The following WDR17 variants were observed in gnomAD, a reference collection of about 807,000 sequenced individuals.
WDR17 encodes WD repeat-containing protein 17.
A neutral mutation model predicts 161.7 loss-of-function variants in WDR17; 143 were observed. The ratio of observed to expected loss-of-function variants is 0.88; its 90% CI spans 0.77 to 1.02. The LOEUF (loss-of-function observed/expected upper bound fraction) is 1.02. WDR17 is among the 50% of genes least tolerant of loss of function. The pLI, the probability that WDR17 is intolerant of heterozygous loss-of-function variation, is 0.00. For missense variants in WDR17, 1,469 were observed against 1,520.9 expected, an observed-to-expected ratio of 0.97 and a Z score of 0.57; for synonymous variants, 517 against 515.6, an observed-to-expected ratio of 1.00 and a Z score of -0.04.
rs748412299 is a variant in WDR17 at position 176,115,965 on chromosome 4, TCGA to T, written c.295_297del (p.Asp99del). ...GCAGAACAAAAAGTCATTGCTAAACTCGACAGTACAAAAGGTATAATTACAACT... is the reference window on the plus strand; with the variant it reads ...GCAGAACAAAAAGTCATTGCTAAACTCAGTACAAAAGGTATAATTACAACT... On this transcript the variant is annotated inframe_deletion, in exon 3 of 29. Transcript: ENST00000508596. 6.2e-7 allele frequency: 1 copy of T among 1,605,672 alleles called. No homozygotes were observed. Among genetic ancestry groups the T allele is most frequent in the Non-Finnish European group, 8.5e-7 (1 of 1,176,298 alleles).
At position 176,111,643 on chromosome 4, in the gene WDR17, A is replaced by G. The variant is rs777779222; in HGVS notation, c.63A>G (p.Val21=). 5 of 1,611,306 alleles carry G rather than the reference A, an allele frequency of 3.1e-6. No homozygotes were observed. In the East Asian group the frequency reaches 6.7e-5, roughly 22 times the overall value. ...AAGCQPWNKD[V]CAASGDRFAY... is the part of the protein sequence containing the mutation. ...GATGTCAGCCATGGAACAAGGATGT[A>G]TGTGCTGCCAGTGGAGACAGGTTTG... The change falls in exon 2 of 29, where the codon GTA becomes GTG. Residue 21 remains valine, a synonymous_variant. Coordinates refer to ENST00000508596, the MANE Select transcript of WDR17 (RefSeq NM_181265.4).
At chr4:176,118,371 C>G (rs1740978890) in intron 3 of WDR17, among the ~76,000 whole-genome samples, 1 of 152,196 alleles carries the variant, frequency 6.6e-6, no homozygotes, top group South Asian at 2.1e-4. Flanking sequence ...AGTACCTCAT[C>G]TCTTTTTTGG....
At chr4:176,164,031 A>C (rs1749424570) in intron 22 of WDR17, among the ~76,000 whole-genome samples, 1 of 152,184 alleles carries the variant, frequency 6.6e-6, no homozygotes, top group African/African-American at 2.4e-5. Context: ...TGCAAGTCCC[A>C]TGCACACACA....
At chr4:176,147,199 G>A (rs1286358465) in intron 12 of WDR17, among the ~76,000 whole-genome samples, 2 of 152,024 alleles carry the variant, frequency 1.3e-5, no homozygotes, top group Admixed American at 6.6e-5. Context: ...AAAGGGATAT[G>A]CCTTAAGAAA....
At position 176,115,374 on chromosome 4, in the gene WDR17, A is replaced by G. The variant is rs994253684; in HGVS notation, c.124-422A>G. ...TGCTCTGGAAGCTTTGGACATCTTA[A>G]TAGTGTAATAATGAGCAGTTGGTGT... On this transcript the variant is annotated intron_variant, in intron 2 of 28. Coordinates refer to ENST00000508596, the MANE Select transcript of WDR17 (RefSeq NM_181265.4). Among the ~76,000 whole-genome samples the G allele has an allele frequency of 7.2e-5, 11 of 152,124 alleles. No homozygotes were observed. The East Asian group carries it at 2.1e-3, about 29-fold the overall frequency.
intron 23 of WDR17, among the ~76,000 whole-genome samples, chr4:176,169,880 T>TC (rs1487212143): frequency 6.6e-6 from 1 of 152,216 alleles, no homozygotes; most frequent in African/African-American, 2.4e-5. Context: ...CACCTTGTAG[T>TC]CTGTGAATTA....
At position 176,128,589 on chromosome 4, in the gene WDR17, G is replaced by C. The variant is rs949813252; in HGVS notation, c.791-149G>C. 4 of 729,762 alleles carry C rather than the reference G, an allele frequency of 5.5e-6. No homozygotes were observed. In the African/African-American group the frequency reaches 7.6e-5, roughly 14 times the overall value. 45.2% of individuals were successfully genotyped at this position (729,762 alleles called of 1,614,324 possible). On this transcript the variant is annotated intron_variant, in intron 5 of 28. Coordinates refer to ENST00000508596, the MANE Select transcript of WDR17 (RefSeq NM_181265.4). ...GGTTAAATAGTATTTCGGTTGTTAG[G>C]TTGTATTACTGTATGGTATTGTTGT...
intron 18 of WDR17, among the ~76,000 whole-genome samples, chr4:176,156,712 G>T (rs139102770): frequency 3.9e-5 from 6 of 151,962 alleles, no homozygotes; most frequent in African/African-American, 1.4e-4. Flanking sequence ...AAAATGGGTG[G>T]CCTAAAACAA....
In WDR17 at chr4:176,135,324, A is replaced by G. The variant is rs751226695; in HGVS notation, c.1267+48A>G. 1.3e-5 allele frequency: 20 copies of G among 1,591,598 alleles called. No homozygotes were observed. The East Asian group carries it at 1.6e-4, about 12-fold the overall frequency. ...TAGGAATACAATGAAATGGCTTTTT[A>G]AAGTTTTATTTTCATTTGAGTTACT... is the stretch of plus-strand genomic sequence containing the variant. On this transcript the variant is annotated intron_variant, in intron 8 of 28. Coordinates refer to ENST00000508596, the MANE Select transcript of WDR17 (RefSeq NM_181265.4).
At chr4:176,148,038 C>A in intron 12 of WDR17, 95 bp from the exon 13 acceptor site, 1 of 1,049,960 alleles carries the variant, frequency 9.5e-7, no homozygotes, top group Non-Finnish European at 1.3e-6. Flanking sequence ...TCTAGATAAG[C>A]TAACAAATAA....
At chr4:176,160,773 C>T in intron 19 of WDR17, 138 bp from the exon 20 acceptor site, 11 of 741,610 alleles carry the variant, frequency 1.5e-5, no homozygotes, top group Non-Finnish European at 2.2e-5. Flanking sequence ...CATTTCTCCT[C>T]AAATTCTAAG....
chr4:176,116,095 C>T, intron 3 of WDR17, 116 bp downstream of exon 3: 1 of 1,038,296 alleles, frequency 9.6e-7, no homozygotes, highest in Non-Finnish European at 1.3e-6. Context: ...TAATGGTAAT[C>T]TGTATAAGAA....
At chr4:176,147,864 T>A (rs952803231) in intron 12 of WDR17, among the ~76,000 whole-genome samples, 1 of 152,162 alleles carries the variant, frequency 6.6e-6, no homozygotes, top group Non-Finnish European at 1.5e-5. Flanking sequence ...AATATTCATT[T>A]CCATCTACTA....
intron 1 of WDR17, among the ~76,000 whole-genome samples, chr4:176,081,407 T>A (rs1734730345): frequency 6.6e-6 from 1 of 152,058 alleles, no homozygotes; most frequent in Non-Finnish European, 1.5e-5. Context: ...CTCTCAAAGT[T>A]CCAACCTCAC....
In WDR17 at chr4:176,160,114, G is replaced by A. The variant is rs1748805905; in HGVS notation, c.2646G>A (p.Leu882=). Reference sequence around the variant, plus strand: ...CAAGAGGTCAGCTTAAAGAAGCTCTGCTTGTTGCACAGGTAAAACCACAGA... The same window carrying A: ...CAAGAGGTCAGCTTAAAGAAGCTCTACTTGTTGCACAGGTAAAACCACAGA... ...FMSRGQLKEA[L]LVAQAACEGN... The change falls in exon 19 of 29, where the codon CTG becomes CTA. Residue 882 remains leucine, a synonymous_variant. Coordinates refer to ENST00000508596, the MANE Select transcript of WDR17 (RefSeq NM_181265.4). The A allele has an allele frequency of 4.3e-6, 7 of 1,613,584 alleles. No individual in the cohort carries two copies. Among genetic ancestry groups the A allele is most frequent in the Non-Finnish European group, 5.9e-6 (7 of 1,179,692 alleles).
chr4:176,159,296 C>CAT (rs1443985959), intron 18 of WDR17, among the ~76,000 whole-genome samples: 1 of 141,358 alleles, frequency 7.1e-6, no homozygotes, highest in Admixed American at 7.0e-5. Context: ...CACACACACA[C>CAT]ATACACACAC....
At chr4:176,169,595 T>A (rs1330135024) in intron 23 of WDR17, among the ~76,000 whole-genome samples, 1 of 152,250 alleles carries the variant, frequency 6.6e-6, no homozygotes, top group Non-Finnish European at 1.5e-5. Context: ...CAATATTTTC[T>A]CATCTTGAAC....
At chr4:176,067,233 C>T (rs1430350444) in intron 1 of WDR17, among the ~76,000 whole-genome samples, 4 of 152,148 alleles carry the variant, frequency 2.6e-5, no homozygotes, top group Non-Finnish European at 4.4e-5. Context: ...GAACCTTTCC[C>T]CTCCTATCAT....
At chr4:176,111,911 G>T (rs982757711) in intron 2 of WDR17, among the ~76,000 whole-genome samples, 6 of 152,088 alleles carry the variant, frequency 3.9e-5, no homozygotes, top group Admixed American at 3.9e-4. Flanking sequence ...TAGTAAATTT[G>T]ATATAAGAAA....
Sources: gnomAD v4.1 joint callset for allele counts (sites outside exome capture counted in the v4.1 genomes callset) on GRCh38, gnomAD v4.1.1 for gene constraint, MANE v1.5 for transcripts, NCBI Gene and HGNC (gene_info 2026-07-23, HGNC 2026-07-21) for gene names.